FRS2: variants seen among roughly 807,000 people sequenced by gnomAD.
FRS2 encodes FGFR signalling adaptor.
FRS2 carries 8 observed loss-of-function variants against 43.9 expected under a neutral mutation model. The observed-to-expected ratio is 0.18, with a 90% CI of 0.11 to 0.33. FRS2 has a LOEUF of 0.33. FRS2 is among the 10% of genes least tolerant of loss of function. The pLI is 1.00. For synonymous variants in FRS2, 219 were observed against 220.3 expected (o/e 0.99, Z 0.05); for missense variants, 534 against 627.6 (o/e 0.85, Z 1.59).
intron 1 of FRS2, among the ~76,000 whole-genome samples, chr12:69,488,433 T>C (rs569124192): frequency 6.6e-6 from 1 of 152,328 alleles, no homozygotes; most frequent in South Asian, 2.1e-4. Flanking sequence ...ATTTTAAAAT[T>C]AAGGTATGTG....
chr12:69,519,427 C>G (rs2135601490), intron 1 of FRS2, among the ~76,000 whole-genome samples: 1 of 152,236 alleles, frequency 6.6e-6, no homozygotes, highest in East Asian at 1.9e-4. Flanking sequence ...TTTTTAAGTT[C>G]AGGAATACGT....
At chr12:69,549,113 T>C (rs1048093507) in intron 3 of FRS2, among the ~76,000 whole-genome samples, 1 of 152,204 alleles carries the variant, frequency 6.6e-6, no homozygotes, top group Admixed American at 6.5e-5. Context: ...TAGAAAGTTA[T>C]AAAAACTCAG....
intron 3 of FRS2, among the ~76,000 whole-genome samples, chr12:69,542,954 T>A (rs477448): frequency 1.3e-5 from 2 of 152,200 alleles, no homozygotes; most frequent in African/African-American, 4.8e-5. Flanking sequence ...TTAACTTACC[T>A]AGATAGTGTC....
intron 1 of FRS2, among the ~76,000 whole-genome samples, chr12:69,513,650 A>C (rs1225050611): frequency 3.9e-5 from 6 of 152,158 alleles, no homozygotes; most frequent in African/African-American, 1.4e-4. Context: ...TATTTTACTG[A>C]GTTATTTTTT....
In FRS2 at chr12:69,575,842, T is replaced by G. The variant is rs1327322006; in HGVS notation, c.*887T>G. 1 of 152,654 alleles carries G rather than the reference T, an allele frequency of 6.6e-6. No homozygotes were observed. Among genetic ancestry groups the G allele is most frequent in the South Asian group, 2.1e-4 (1 of 4,838 alleles). The allele number at this position is 152,654 out of a possible 1,614,324, so 9.5% of individuals were successfully genotyped here. A position where few individuals can be genotyped will look rare whatever the true frequency, so the allele number is the denominator to read the frequency against. On this transcript the variant is annotated 3_prime_UTR_variant, in exon 9 of 9. Transcript: ENST00000549921. ...GTTTGGGATGTCTTATTTTGTTGCC[T>G]TATGTCCTTTTCAATTTAAAATGTT...
At chr12:69,571,678 T>G (rs1880771405) in intron 7 of FRS2, among the ~76,000 whole-genome samples, 2 of 151,964 alleles carry the variant, frequency 1.3e-5, no homozygotes, top group South Asian at 2.1e-4. Flanking sequence ...TGGCTAACAC[T>G]GTGAACCTCC....
chr12:69,510,787 A>G (rs1476610917), intron 1 of FRS2, among the ~76,000 whole-genome samples: 1 of 152,138 alleles, frequency 6.6e-6, no homozygotes, highest in Non-Finnish European at 1.5e-5. Context: ...CTAGCTCAAT[A>G]CCCTGCACAT....
At chr12:69,531,200 C>T (rs1038975803) in intron 2 of FRS2, among the ~76,000 whole-genome samples, 20 of 151,708 alleles carry the variant, frequency 1.3e-4, no homozygotes, top group East Asian at 1.2e-3. Flanking sequence ...GATGTTGGCA[C>T]GCACCTGTAA....
At chr12:69,515,210 G>C (rs1874873753) in intron 1 of FRS2, among the ~76,000 whole-genome samples, 1 of 152,186 alleles carries the variant, frequency 6.6e-6, no homozygotes, top group Admixed American at 6.5e-5. Context: ...TTTCTGTCCT[G>C]ATGCATTTAG....
At chr12:69,536,606 A>T (rs1186613949) in intron 3 of FRS2, among the ~76,000 whole-genome samples, 1 of 139,912 alleles carries the variant, frequency 7.1e-6, no homozygotes, top group Non-Finnish European at 1.5e-5. Context: ...TTGAGACAAG[A>T]TCTCACTCTG....
At chr12:69,542,121 G>A (rs545597995) in intron 3 of FRS2, among the ~76,000 whole-genome samples, 27 of 152,148 alleles carry the variant, frequency 1.8e-4, no homozygotes, top group African/African-American at 4.6e-4. Flanking sequence ...TATAGGTGGC[G>A]GGGGGTTATG....
chr12:69,507,188 A>G (rs1331958721), intron 1 of FRS2, among the ~76,000 whole-genome samples: 3 of 152,158 alleles, frequency 2.0e-5, no homozygotes, highest in Non-Finnish European at 4.4e-5. Context: ...GCCCTACTAC[A>G]ACATACTTCT....
chr12:69,494,290 G>A (rs189270749), intron 1 of FRS2, among the ~76,000 whole-genome samples: 6 of 152,170 alleles, frequency 3.9e-5, no homozygotes, highest in Non-Finnish European at 8.8e-5. Context: ...CCAGAGCTCT[G>A]TCTGTGATGG....
intron 5 of FRS2, among the ~76,000 whole-genome samples, chr12:69,569,744 A>G (rs921730932): frequency 6.6e-6 from 1 of 152,128 alleles, no homozygotes; most frequent in African/African-American, 2.4e-5. Flanking sequence ...ATACATGTAA[A>G]GCTCTTTTCC....
chr12:69,537,044 T>C (rs1480304290), intron 3 of FRS2, among the ~76,000 whole-genome samples: 2 of 152,166 alleles, frequency 1.3e-5, no homozygotes, highest in Non-Finnish European at 2.9e-5. Context: ...TTTATTCTTT[T>C]AGTGGTTGCT....
In FRS2 at chr12:69,547,886, G is replaced by T. The variant is rs928818537; in HGVS notation, c.-121-14294G>T. ...GTCAGGGTCTTGCTTTCTCACCCAGGCTAGAGTACAATGGCACAGTCATGG... is the reference window on the plus strand; with the variant it reads ...GTCAGGGTCTTGCTTTCTCACCCAGTCTAGAGTACAATGGCACAGTCATGG... On this transcript the variant is annotated intron_variant, in intron 3 of 8. Coordinates refer to ENST00000549921, the MANE Select transcript of FRS2 (RefSeq NM_001278356.2). 8.8e-5 allele frequency among the ~76,000 whole-genome samples: 12 copies of T among 137,126 alleles called. No homozygotes were observed. The Admixed American group carries it at 9.0e-4, about 10-fold the overall frequency. The allele number at this position is 137,126 out of a possible 152,430, so 90.0% of individuals were successfully genotyped here.
At chr12:69,552,194 C>T (rs1234557562) in intron 3 of FRS2, among the ~76,000 whole-genome samples, 2 of 145,816 alleles carry the variant, frequency 1.4e-5, no homozygotes, top group Non-Finnish European at 3.0e-5. Flanking sequence ...CCCAGCTACT[C>T]GGGAGGCTGA....
chr12:69,556,438 T>G (rs1172665429), intron 3 of FRS2, among the ~76,000 whole-genome samples: 1 of 152,080 alleles, frequency 6.6e-6, no homozygotes, highest in Non-Finnish European at 1.5e-5. Flanking sequence ...GGTCAAGCGA[T>G]TCACATGTCT....
chr12:69,491,783 T>C (rs1301026210), intron 1 of FRS2: 1 of 152,122 alleles, frequency 6.6e-6, no homozygotes, highest in Non-Finnish European at 1.5e-5. Flanking sequence ...CAGGTGTGAG[T>C]GAGCCACAGT....
Sources: allele counts gnomAD v4.1 joint callset (sites outside exome capture counted in the v4.1 genomes callset), GRCh38; gene constraint gnomAD v4.1.1; transcripts MANE v1.5; gene names NCBI Gene and HGNC (gene_info 2026-07-23, HGNC 2026-07-21).